Variants in TRERF1 observed in about 807,000 individuals in gnomAD.
TRERF1 encodes transcriptional-regulating factor 1.
TRERF1 carries 27 observed loss-of-function variants against 122.9 expected under a neutral mutation model. The observed-to-expected ratio is 0.22, with a 90% CI of 0.16 to 0.30. The LOEUF (loss-of-function observed/expected upper bound fraction) is 0.30, where lower values mean the gene tolerates loss of function less well. Among genes scored for constraint, TRERF1 ranks in the 10% least tolerant of loss-of-function variants. The pLI, the probability that TRERF1 is intolerant of heterozygous loss-of-function variation, is 1.00. For synonymous variants in TRERF1, 636 were observed against 641.7 expected, an observed-to-expected ratio of 0.99 and a Z score of 0.13; for missense variants, 1,248 against 1,560.3, an observed-to-expected ratio of 0.80 and a Z score of 3.37.
chr6:42,445,378 A>ACC (rs1787321048), intron 2 of TRERF1, among the ~76,000 whole-genome samples: 1 of 151,508 alleles, frequency 6.6e-6, no homozygotes, highest in African/African-American at 2.4e-5. Context: ...ACACACACAC[A>ACC]CACACACACA....
chr6:42,395,915 A>C (rs1335540216), intron 2 of TRERF1, among the ~76,000 whole-genome samples: 1 of 152,132 alleles, frequency 6.6e-6, no homozygotes, highest in East Asian at 1.9e-4. Context: ...ACGCTCACTG[A>C]GACCTGTGGA....
chr6:42,281,340 T>C (rs1292788932), intron 4 of TRERF1, among the ~76,000 whole-genome samples: 1 of 152,164 alleles, frequency 6.6e-6, no homozygotes, highest in Non-Finnish European at 1.5e-5. Flanking sequence ...CAGACACGCA[T>C]ACTTCTGTTT....
rs886075397 is a variant in TRERF1 at position 42,315,713 on chromosome 6, C to G, written c.-370-14964G>C. On this transcript the variant is annotated intron_variant, in intron 3 of 17. Transcript: ENST00000372922. ...GTTGGGGAGAGGAACACCACCCCCC[C>G]CCCCACCCACTGCCACCCCCTAACG... Among the ~76,000 whole-genome samples the G allele has an allele frequency of 2.7e-5, 4 of 149,886 alleles. No homozygotes were observed. In the East Asian group the frequency reaches 5.9e-4, roughly 22 times the overall value.
At chr6:42,375,746 G>T (rs952935384) in intron 2 of TRERF1, among the ~76,000 whole-genome samples, 1 of 152,100 alleles carries the variant, frequency 6.6e-6, no homozygotes, top group Non-Finnish European at 1.5e-5. Context: ...TACTATGGGG[G>T]GCTGTGATCA....
intron 2 of TRERF1, among the ~76,000 whole-genome samples, chr6:42,446,522 A>G (rs547625583): frequency 7.6e-4 from 115 of 152,266 alleles, no homozygotes; most frequent in African/African-American, 2.6e-3. Context: ...ATTTCTTTAC[A>G]TGTCTGCCTC....
chr6:42,283,377 T>C (rs1442407958), intron 4 of TRERF1, among the ~76,000 whole-genome samples: 1 of 152,124 alleles, frequency 6.6e-6, no homozygotes, highest in Non-Finnish European at 1.5e-5. Flanking sequence ...AATCTGTGAA[T>C]AATAAGGGTC....
intron 2 of TRERF1, among the ~76,000 whole-genome samples, chr6:42,438,537 G>A (rs913010296): frequency 2.7e-5 from 4 of 150,508 alleles, no homozygotes; most frequent in Non-Finnish European, 5.9e-5. Flanking sequence ...TTGAATCTGG[G>A]AGGTGGAGGT....
At chr6:42,235,582 A>T (rs1771954240) in intron 16 of TRERF1, among the ~76,000 whole-genome samples, 1 of 152,210 alleles carries the variant, frequency 6.6e-6, no homozygotes, top group Non-Finnish European at 1.5e-5. Context: ...CTCTGTATTT[A>T]CACACACTCC....
At chr6:42,239,680 G>C (rs1773175346) in intron 15 of TRERF1, among the ~76,000 whole-genome samples, 2 of 151,538 alleles carry the variant, frequency 1.3e-5, no homozygotes, top group Non-Finnish European at 2.9e-5. Flanking sequence ...CGAGGACAAA[G>C]AGTAGGACCA....
At chr6:42,349,616 T>C (rs1282744016) in intron 3 of TRERF1, among the ~76,000 whole-genome samples, 2 of 152,092 alleles carry the variant, frequency 1.3e-5, no homozygotes, top group Non-Finnish European at 2.9e-5. Flanking sequence ...AAGACAATCA[T>C]AAGCAATAAA....
At position 42,254,739 on chromosome 6, in the gene TRERF1, A is replaced by G. The variant is rs1270809782; in HGVS notation, c.2656+112T>C. ...TGCCCTAGGAGGCCTTGAGATCACA[A>G]GTGGTGATTAGGACAGAACCGGTGT... On this transcript the variant is annotated intron_variant, in intron 13 of 17. Coordinates refer to ENST00000372922, the Ensembl canonical transcript of TRERF1. 1.7e-5 allele frequency: 17 copies of G among 993,810 alleles called. No homozygotes were observed. The East Asian group carries it at 3.6e-4, about 21-fold the overall frequency. The allele number at this position is 993,810 out of a possible 1,614,324, so 61.6% of individuals were successfully genotyped here.
chr6:42,255,027 G>A (rs1190831256), intron 12 of TRERF1, 101 bp from the exon 13 acceptor site: 2 of 1,201,228 alleles, frequency 1.7e-6, no homozygotes, highest in East Asian at 4.7e-5. Context: ...CACTGTGGAG[G>A]TCAGGGGCGG....
chr6:42,441,367 T>C (rs1786494778), intron 2 of TRERF1, among the ~76,000 whole-genome samples: 1 of 152,184 alleles, frequency 6.6e-6, no homozygotes, highest in East Asian at 1.9e-4. Flanking sequence ...AAATCTAATA[T>C]TCAGTCTCTT....
chr6:42,247,050 G>A (rs1774930277), intron 13 of TRERF1, among the ~76,000 whole-genome samples: 1 of 152,320 alleles, frequency 6.6e-6, no homozygotes, highest in South Asian at 2.1e-4. Flanking sequence ...GACGTTCAAG[G>A]TGGTAATTGT....
At chr6:42,416,593 T>C (rs1321575816) in intron 2 of TRERF1, among the ~76,000 whole-genome samples, 1 of 152,222 alleles carries the variant, frequency 6.6e-6, no homozygotes, top group African/African-American at 2.4e-5. Flanking sequence ...CTAATTATGT[T>C]ATTAGAATGT....
chr6:42,443,428 C>G (rs1253645468), intron 2 of TRERF1, among the ~76,000 whole-genome samples: 1 of 152,216 alleles, frequency 6.6e-6, no homozygotes. Flanking sequence ...CACAGTAAGA[C>G]TAAGGGCTAA....
chr6:42,322,711 G>T (rs1763647075), intron 3 of TRERF1, among the ~76,000 whole-genome samples: 1 of 152,176 alleles, frequency 6.6e-6, no homozygotes, highest in Non-Finnish European at 1.5e-5. Context: ...AGTATGAAGG[G>T]CAAGAAGGCA....
chr6:42,256,087 T>C (rs1484371439), intron 12 of TRERF1, among the ~76,000 whole-genome samples: 3 of 142,926 alleles, frequency 2.1e-5, no homozygotes, highest in Non-Finnish European at 3.0e-5. Context: ...GCCGAGATCA[T>C]GCCATTGCAC....
intron 3 of TRERF1, among the ~76,000 whole-genome samples, chr6:42,337,254 G>A (rs969462174): frequency 6.6e-6 from 1 of 152,216 alleles, no homozygotes; most frequent in Non-Finnish European, 1.5e-5. Context: ...GCTGTGTGCA[G>A]CCCGAGGGCC....
Sources: allele counts gnomAD v4.1 joint callset (sites outside exome capture counted in the v4.1 genomes callset), GRCh38; gene constraint gnomAD v4.1.1; transcripts MANE v1.5; gene names NCBI Gene and HGNC (gene_info 2026-07-23, HGNC 2026-07-21).